Variants in DHX57 observed in about 807,000 individuals in gnomAD.
DHX57 encodes putative ATP-dependent RNA helicase DHX57.
In DHX57, 105 loss-of-function variants were observed where a neutral mutation model predicts 156.2. That is an observed-to-expected ratio of 0.67 (90% confidence interval 0.57 to 0.79). The LOEUF (loss-of-function observed/expected upper bound fraction) is 0.79. Ranked by LOEUF, DHX57 falls within the 30% of genes least tolerant of loss-of-function variation. The pLI is 0.00. For synonymous variants in DHX57, 704 were observed against 595.6 expected, an observed-to-expected ratio of 1.18 and a Z score of -2.65; for missense variants, 1,847 against 1,661.9, an observed-to-expected ratio of 1.11 and a Z score of -1.94.
intron 15 of DHX57, 124 bp downstream of exon 15, chr2:38,826,392 G>A: frequency 4.2e-6 from 5 of 1,177,492 alleles, no homozygotes; most frequent in Non-Finnish European, 4.8e-6. Flanking sequence ...TCCACGTACA[G>A]TTTTCACAAA....
intron 1 of DHX57, among the ~76,000 whole-genome samples, chr2:38,874,866 A>G (rs1390506222): frequency 6.6e-6 from 1 of 152,190 alleles, no homozygotes; most frequent in Non-Finnish European, 1.5e-5. Context: ...GGTCAAACTG[A>G]ATTCTGTAAG....
chr2:38,850,829 C>A (rs1194440319), intron 9 of DHX57, among the ~76,000 whole-genome samples: 1 of 152,070 alleles, frequency 6.6e-6, no homozygotes. Context: ...AATCCCAGCA[C>A]TTTGGGAGGC....
intron 3 of DHX57, 121 bp from the exon 4 acceptor site, chr2:38,862,454 A>C: frequency 2.1e-6 from 2 of 950,812 alleles, no homozygotes; most frequent in Non-Finnish European, 2.9e-6. Flanking sequence ...TGCTGATTTA[A>C]TCTTATATTG....
intron 6 of DHX57, among the ~76,000 whole-genome samples, chr2:38,858,222 C>G (rs567430357): frequency 6.6e-6 from 1 of 152,098 alleles, no homozygotes; most frequent in Non-Finnish European, 1.5e-5. Flanking sequence ...CCACCACGCC[C>G]GGCTAATTTT....
At chr2:38,835,573 T>A (rs1211524557) in intron 13 of DHX57, among the ~76,000 whole-genome samples, 1 of 152,196 alleles carries the variant, frequency 6.6e-6, no homozygotes, top group Non-Finnish European at 1.5e-5. Flanking sequence ...TACTTTTCCC[T>A]AAATATGTCT....
At chr2:38,844,881 A>T (rs987602614) in intron 11 of DHX57, among the ~76,000 whole-genome samples, 3 of 152,154 alleles carry the variant, frequency 2.0e-5, no homozygotes, top group African/African-American at 7.2e-5. Flanking sequence ...GAACTTAAAT[A>T]TTGGCTGGGG....
In DHX57 at chr2:38,797,901, G is replaced by A. The variant is rs1063636; in HGVS notation, c.*398C>T. On this transcript the variant is annotated 3_prime_UTR_variant, in exon 24 of 24. Transcript: ENST00000457308. ...CAGTCGAGCCTTGGCGACAGGAAAAGAAAAAAAAAAAAGGCGTATTTCTCT... is the reference window on the plus strand; with the variant it reads ...CAGTCGAGCCTTGGCGACAGGAAAAAAAAAAAAAAAAAGGCGTATTTCTCT... The A allele has an allele frequency of 9.7e-4, 155 of 159,348 alleles. No individual in the cohort carries two copies. Among genetic ancestry groups the A allele is most frequent in the Middle Eastern group, 1.2e-3 (1 of 820 alleles). The allele number at this position is 159,348 out of a possible 1,614,324, so 9.9% of individuals were successfully genotyped here.
intron 12 of DHX57, among the ~76,000 whole-genome samples, chr2:38,842,213 C>A (rs1274173913): frequency 6.6e-6 from 1 of 152,118 alleles, no homozygotes; most frequent in African/African-American, 2.4e-5. Flanking sequence ...AAATACTAAA[C>A]CCAAATGGAT....
At chr2:38,819,209 C>T in intron 17 of DHX57, 65 bp from the exon 18 acceptor site, 1 of 1,507,382 alleles carries the variant, frequency 6.6e-7, no homozygotes. Flanking sequence ...GGGTCTTGTT[C>T]TGTTGCCCAG....
chr2:38,822,078 C>T (rs925692440), intron 17 of DHX57, among the ~76,000 whole-genome samples: 1 of 152,068 alleles, frequency 6.6e-6, no homozygotes, highest in African/African-American at 2.4e-5. Flanking sequence ...TTCTACTAAA[C>T]ATTTAATGAT....
intron 11 of DHX57, among the ~76,000 whole-genome samples, chr2:38,846,179 A>G (rs3112160): frequency 0.92 from 139,603 of 152,252 alleles, 65,224 homozygotes; most frequent in Non-Finnish European, 1. Context: ...AACTGCTAAC[A>G]TTTGAGAGCA....
chr2:38,805,883 G>C (rs113854219), intron 22 of DHX57, among the ~76,000 whole-genome samples: 1 of 152,156 alleles, frequency 6.6e-6, no homozygotes, highest in African/African-American at 2.4e-5. Context: ...GGATGTGTAA[G>C]TGCTGTTGTG....
At chr2:38,860,964 A>T in intron 5 of DHX57, 35 bp downstream of exon 5, 1 of 1,567,610 alleles carries the variant, frequency 6.4e-7, no homozygotes, top group Non-Finnish European at 8.7e-7. Flanking sequence ...CATCATTCTG[A>T]ATGCCTCCCT....
chr2:38,861,181 G>C lies in DHX57; in HGVS notation c.1229C>G (p.Ser410Cys). Residue 410 changes from serine to cysteine, a missense_variant, in exon 5 of 24, where the codon TCT becomes TGT. Transcript: ENST00000457308. Reference protein sequence around the residue: ...FAETSEPVVYSLITLLEEESE... With the variant: ...FAETSEPVVYCLITLLEEESE... ...CTCTTCCTCTAAAAGGGTTATCAAAGAATATACGACAGGTTCCGAAGTTTC... is the reference window on the plus strand; with the variant it reads ...CTCTTCCTCTAAAAGGGTTATCAAACAATATACGACAGGTTCCGAAGTTTC... The C allele has an allele frequency of 6.2e-7, 1 of 1,614,060 alleles. No homozygotes were observed. The highest frequency in any genetic ancestry group is 8.5e-7 in the Non-Finnish European group (1 of 1,180,018).
chr2:38,862,596 C>A, intron 3 of DHX57: 1 of 261,020 alleles, frequency 3.8e-6, no homozygotes, highest in Non-Finnish European at 7.0e-6. Flanking sequence ...ACTGGAATGT[C>A]CTTTTTTTTT....
chr2:38,874,401 A>ATT (rs60727396), intron 1 of DHX57, among the ~76,000 whole-genome samples: 2 of 75,460 alleles, frequency 2.7e-5, no homozygotes, highest in African/African-American at 1.1e-4. Flanking sequence ...GAAATACTGT[A>ATT]TTTTTTTTTT....
At chr2:38,839,719 C>CA (rs778698613) in intron 12 of DHX57, among the ~76,000 whole-genome samples, 4,483 of 100,118 alleles carry the variant, frequency 0.045, 75 homozygotes, top group African/African-American at 0.088. Context: ...GACTCCGTCT[C>CA]AAAAAAAAAA....
intron 13 of DHX57, among the ~76,000 whole-genome samples, chr2:38,836,613 A>G (rs1324843924): frequency 1.3e-5 from 2 of 151,956 alleles, no homozygotes; most frequent in Non-Finnish European, 2.9e-5. Context: ...GTCTCTACTA[A>G]AAATACAAAA....
In DHX57 at chr2:38,818,896, A is replaced by C. The variant is rs1372547159; in HGVS notation, c.3452T>G (p.Leu1151Trp). Residue 1151 changes from leucine to tryptophan, a missense_variant, in exon 19 of 24, where the codon TTG becomes TGG. Leu to Trp is a moderately conservative substitution (Grantham distance 61). Coordinates refer to ENST00000457308, the MANE Select transcript of DHX57 (RefSeq NM_198963.3). ...ASYNYCRQNF[L>W]SGRVLQEMAS... The stretch of plus-strand genomic sequence containing the variant: ...ACTCACCTGCAGAACTCTTCCAGAC[A>C]AGAAGTTTTGTCTGCAGTAATTATA... The C allele has an allele frequency of 1.2e-6, 2 of 1,614,082 alleles. No individual in the cohort carries two copies. Among genetic ancestry groups the C allele is most frequent in the Non-Finnish European group, 1.7e-6 (2 of 1,180,044 alleles).
Sources: gnomAD v4.1 joint callset for allele counts (sites outside exome capture counted in the v4.1 genomes callset) on GRCh38, gnomAD v4.1.1 for gene constraint, MANE v1.5 for transcripts, NCBI Gene and HGNC (gene_info 2026-07-23, HGNC 2026-07-21) for gene names.